C1orf21: variants seen among roughly 807,000 people sequenced by gnomAD.
C1orf21 encodes chromosome 1 open reading frame 21.
A neutral mutation model predicts 18.7 loss-of-function variants in C1orf21; 3 were observed. The observed-to-expected ratio is 0.16, with a 90% CI of 0.07 to 0.42. C1orf21 has a LOEUF of 0.42. C1orf21 is among the 10% of genes least tolerant of loss of function. The pLI is 0.99. For synonymous variants in C1orf21, 41 were observed against 46.4 expected, an observed-to-expected ratio of 0.88 and a Z score of 0.47; for missense variants, 104 against 143.6, an observed-to-expected ratio of 0.72 and a Z score of 1.41.
At chr1:184,599,905 C>T (rs1571296635) in intron 5 of C1orf21, among the ~76,000 whole-genome samples, 1 of 152,242 alleles carries the variant, frequency 6.6e-6, no homozygotes, top group African/African-American at 2.4e-5. Flanking sequence ...TTCCAAAATT[C>T]GGAAACGTTT....
intron 1 of C1orf21, among the ~76,000 whole-genome samples, chr1:184,426,026 G>C (rs901800567): frequency 2.0e-5 from 3 of 152,240 alleles, no homozygotes; most frequent in African/African-American, 7.2e-5. Context: ...TATGTACTCA[G>C]CAGCTCTGCC....
Position 184,620,310 on chromosome 1 carries a change from T to G in C1orf21, c.*754T>G, listed in dbSNP as rs1167244723. On this transcript the variant is annotated 3_prime_UTR_variant, in exon 6 of 6. Coordinates refer to ENST00000235307, the MANE Select transcript of C1orf21 (RefSeq NM_030806.4). The stretch of plus-strand genomic sequence containing the variant: ...CTTTTTTTTCTAAGAAAATAAACAT[T>G]TTACTGTTTTTATGGATCCTTGTCT... 3 of 152,696 alleles carry G rather than the reference T, an allele frequency of 2.0e-5. No individual in the cohort carries two copies. The East Asian group carries it at 5.8e-4, about 29-fold the overall frequency. The allele number at this position is 152,696 out of a possible 1,614,324, so 9.5% of individuals were successfully genotyped here. A position where few individuals can be genotyped will look rare whatever the true frequency, so the allele number is the denominator to read the frequency against.
chr1:184,581,727 T>C (rs1192235248), intron 3 of C1orf21, among the ~76,000 whole-genome samples: 1 of 152,192 alleles, frequency 6.6e-6, no homozygotes, highest in Admixed American at 6.5e-5. Flanking sequence ...TTCTGAGCAA[T>C]TTTTTACAAC....
At chr1:184,583,959 T>G (rs916402519) in intron 3 of C1orf21, among the ~76,000 whole-genome samples, 3 of 152,086 alleles carry the variant, frequency 2.0e-5, no homozygotes, top group African/African-American at 7.2e-5. Flanking sequence ...ATCTCGCAAT[T>G]TATTCTCTTT....
At chr1:184,456,908 G>A (rs2101981972) in intron 1 of C1orf21, among the ~76,000 whole-genome samples, 1 of 152,170 alleles carries the variant, frequency 6.6e-6, no homozygotes, top group East Asian at 1.9e-4. Flanking sequence ...GTATAATGTT[G>A]GACCCACAGC....
chr1:184,547,413 A>T lies in C1orf21; in HGVS notation c.189+39731A>T, dbSNP rs542640532. 2.8e-5 allele frequency among the ~76,000 whole-genome samples: 4 copies of T among 141,666 alleles called. No homozygotes were observed. The East Asian group carries it at 8.1e-4, about 29-fold the overall frequency. 92.9% of individuals were successfully genotyped at this position (141,666 alleles called of 152,430 possible). On this transcript the variant is annotated intron_variant, in intron 3 of 5. Coordinates refer to ENST00000235307, the MANE Select transcript of C1orf21 (RefSeq NM_030806.4). ...CTACTTCCTTGCCATTTAAAGATAC[A>T]TCCAGACTTTTTTTTTTTTTTTTTT...
intron 1 of C1orf21, among the ~76,000 whole-genome samples, chr1:184,422,145 C>A (rs11799574): frequency 0.13 from 19,449 of 152,082 alleles, 2,521 homozygotes; most frequent in African/African-American, 0.34. Context: ...GAGTATCAGG[C>A]AGAAAAAGGA....
At chr1:184,428,708 G>A (rs1474014173) in intron 1 of C1orf21, among the ~76,000 whole-genome samples, 1 of 152,006 alleles carries the variant, frequency 6.6e-6, no homozygotes, top group African/African-American at 2.4e-5. Flanking sequence ...TTTTCCTTGG[G>A]TCTAGGATGT....
intron 1 of C1orf21, among the ~76,000 whole-genome samples, chr1:184,460,105 C>A (rs895393771): frequency 1.3e-5 from 2 of 152,304 alleles, no homozygotes; most frequent in Admixed American, 6.5e-5. Flanking sequence ...ACACACACTT[C>A]CTTGGTGGCA....
intron 1 of C1orf21, among the ~76,000 whole-genome samples, chr1:184,413,249 C>T (rs2101963189): frequency 6.6e-6 from 1 of 152,270 alleles, no homozygotes; most frequent in African/African-American, 2.4e-5. Context: ...TATGTATATA[C>T]ATGTGTGACA....
chr1:184,536,012 G>T (rs1317289146), intron 3 of C1orf21, among the ~76,000 whole-genome samples: 1 of 152,162 alleles, frequency 6.6e-6, no homozygotes, highest in Non-Finnish European at 1.5e-5. Context: ...TACCCCTGCT[G>T]AGTATGACAT....
intron 3 of C1orf21, among the ~76,000 whole-genome samples, chr1:184,569,968 G>A (rs1179145539): frequency 6.6e-6 from 1 of 152,162 alleles, no homozygotes; most frequent in Non-Finnish European, 1.5e-5. Flanking sequence ...CTGCAGTCTG[G>A]TCTATCCAAA....
At chr1:184,551,676 A>G (rs1314530677) in intron 3 of C1orf21, among the ~76,000 whole-genome samples, 1 of 152,192 alleles carries the variant, frequency 6.6e-6, no homozygotes, top group Non-Finnish European at 1.5e-5. Flanking sequence ...GGGTGGATCC[A>G]TCGCCTCATC....
chr1:184,611,374 C>A (rs1659734302), intron 5 of C1orf21, among the ~76,000 whole-genome samples: 1 of 152,220 alleles, frequency 6.6e-6, no homozygotes, highest in South Asian at 2.1e-4. Context: ...ATGGAAGGCA[C>A]CTGCTTCCTA....
chr1:184,514,677 C>T (rs1365744174), intron 3 of C1orf21, among the ~76,000 whole-genome samples: 4 of 152,138 alleles, frequency 2.6e-5, no homozygotes, highest in Non-Finnish European at 5.9e-5. Flanking sequence ...AGGAAGCTTG[C>T]ACAAGACTAG....
chr1:184,419,541 C>T (rs577527957), intron 1 of C1orf21, among the ~76,000 whole-genome samples: 4 of 152,088 alleles, frequency 2.6e-5, no homozygotes, highest in South Asian at 2.1e-4. Flanking sequence ...TCTCAGCCCT[C>T]GAGGAGCATA....
intron 1 of C1orf21, among the ~76,000 whole-genome samples, chr1:184,421,203 T>A (rs1656543249): frequency 6.6e-6 from 1 of 152,200 alleles, no homozygotes; most frequent in Admixed American, 6.5e-5. Flanking sequence ...CATAACTCAC[T>A]GTAACCTCCA....
chr1:184,596,878 AAAAAAAAAAAG>A (rs919717372), intron 4 of C1orf21, among the ~76,000 whole-genome samples: 4 of 149,260 alleles, frequency 2.7e-5, no homozygotes, highest in Admixed American at 6.9e-5. Context: ...TGTCTCAAAA[AAAAAAAAAAAG>A]AAAGAAAGAA....
Position 184,573,695 on chromosome 1 carries a change from G to A in C1orf21, c.190-17044G>A, listed in dbSNP as rs146192418. 7.5e-3 allele frequency among the ~76,000 whole-genome samples: 1,144 copies of A among 152,230 alleles called. 6 individuals are homozygous for A. Among genetic ancestry groups the A allele is most frequent in the Middle Eastern group, 0.02 (6 of 294 alleles). On this transcript the variant is annotated intron_variant, in intron 3 of 5. Coordinates refer to ENST00000235307, the MANE Select transcript of C1orf21 (RefSeq NM_030806.4). ...CTTTGAAAAAATAATATGATAAGTG[G>A]TGAATAATGTGGAGTATTGGTGGCC...
Sources: gnomAD v4.1 joint callset for allele counts (sites outside exome capture counted in the v4.1 genomes callset) on GRCh38, gnomAD v4.1.1 for gene constraint, MANE v1.5 for transcripts, NCBI Gene and HGNC (gene_info 2026-07-23, HGNC 2026-07-21) for gene names.